The following CNTNAP2 variants were observed in gnomAD, a reference collection of about 807,000 sequenced individuals.
CNTNAP2 encodes contactin associated protein 2, also known as contactin-associated protein-like 2.
A neutral mutation model predicts 155.2 loss-of-function variants in CNTNAP2; 98 were observed. The observed-to-expected ratio is 0.63, with a 90% confidence interval of 0.54 to 0.75. The LOEUF (loss-of-function observed/expected upper bound fraction) is 0.75, where lower values mean the gene tolerates loss of function less well. Among genes scored for constraint, CNTNAP2 ranks in the 30% least tolerant of loss-of-function variants. CNTNAP2 has a pLI of 0.00. For synonymous variants in CNTNAP2, 651 were observed against 631.2 expected (o/e 1.03, Z -0.47); for missense variants, 1,727 against 1,688.1 (o/e 1.02, Z -0.40).
At chr7:146,484,488 G>T (rs1477724017) in intron 1 of CNTNAP2, among the ~76,000 whole-genome samples, 1 of 152,084 alleles carries the variant, frequency 6.6e-6, no homozygotes, top group Non-Finnish European at 1.5e-5. Flanking sequence ...ATATTCATCA[G>T]ATTTGCAGGA....
At chr7:148,131,860 A>T (rs1476741774) in intron 16 of CNTNAP2, among the ~76,000 whole-genome samples, 1 of 152,028 alleles carries the variant, frequency 6.6e-6, no homozygotes, top group Non-Finnish European at 1.5e-5. Context: ...AAAAAAAAAA[A>T]GTAGATACAA....
At chr7:147,048,157 C>T (rs1270612766) in intron 4 of CNTNAP2, among the ~76,000 whole-genome samples, 1 of 146,078 alleles carries the variant, frequency 6.8e-6, no homozygotes, top group African/African-American at 2.6e-5. Context: ...TCACTGCAAG[C>T]TCTGCCTCCC....
intron 3 of CNTNAP2, among the ~76,000 whole-genome samples, chr7:146,957,000 C>G (rs1797450213): frequency 6.6e-6 from 1 of 152,246 alleles, no homozygotes; most frequent in South Asian, 2.1e-4. Flanking sequence ...GATTTCTCAT[C>G]ATGTGAGCAT....
At chr7:146,428,846 A>G (rs1476803406) in intron 1 of CNTNAP2, among the ~76,000 whole-genome samples, 1 of 151,876 alleles carries the variant, frequency 6.6e-6, no homozygotes, top group Non-Finnish European at 1.5e-5. Flanking sequence ...CCTGAATGGT[A>G]TTGCCTAGAT....
At chr7:147,190,591 C>T (rs917933203) in intron 8 of CNTNAP2, among the ~76,000 whole-genome samples, 1 of 152,138 alleles carries the variant, frequency 6.6e-6, no homozygotes, top group Non-Finnish European at 1.5e-5. Context: ...ACATTAGCTT[C>T]GCAATGGTGT....
intron 1 of CNTNAP2, among the ~76,000 whole-genome samples, chr7:146,196,917 C>T (rs1798785325): frequency 6.6e-6 from 1 of 152,124 alleles, no homozygotes; most frequent in Non-Finnish European, 1.5e-5. Context: ...GACAGTTTAT[C>T]TTCAAGTTAG....
intron 13 of CNTNAP2, among the ~76,000 whole-genome samples, chr7:147,891,013 T>C (rs1799681385): frequency 6.6e-6 from 1 of 152,218 alleles, no homozygotes; most frequent in African/African-American, 2.4e-5. Flanking sequence ...TGCATACATA[T>C]TTCAAAACAT....
intron 3 of CNTNAP2, among the ~76,000 whole-genome samples, chr7:146,857,309 C>T (rs1301719450): frequency 1.3e-5 from 2 of 151,880 alleles, no homozygotes; most frequent in Admixed American, 6.6e-5. Context: ...GTTCCTTATA[C>T]TATTATTGCA....
At chr7:147,558,865 C>T (rs976095460) in intron 11 of CNTNAP2, among the ~76,000 whole-genome samples, 1 of 152,068 alleles carries the variant, frequency 6.6e-6, no homozygotes, top group Non-Finnish European at 1.5e-5. Flanking sequence ...GCCTTAGCCT[C>T]CTGAATAGCT....
At chr7:146,770,416 C>T (rs545059478) in intron 1 of CNTNAP2, among the ~76,000 whole-genome samples, 22 of 151,166 alleles carry the variant, frequency 1.5e-4, no homozygotes, top group Admixed American at 6.6e-4. Context: ...AATAAATAAT[C>T]GTGATTAATG....
chr7:148,369,272 C>T (rs1216749619), intron 21 of CNTNAP2, among the ~76,000 whole-genome samples: 1 of 129,824 alleles, frequency 7.7e-6, no homozygotes, highest in Non-Finnish European at 1.5e-5. Context: ...GATCTTGGCT[C>T]ACTGCAACCT....
rs182141621 is a variant in CNTNAP2, at chr7:146,159,490, A to T, written c.97+42517A>T. On this transcript the variant is annotated intron_variant, in intron 1 of 23. Coordinates refer to ENST00000361727, the MANE Select transcript of CNTNAP2 (RefSeq NM_014141.6). ...GACCCATCAGTGTGCTGTATTCAGG[A>T]GACCCACCTCACATGCAGAGACACA... Among the ~76,000 whole-genome samples the T allele has an allele frequency of 3.6e-3, 543 of 152,292 alleles. 4 individuals are homozygous for T. The highest frequency in any genetic ancestry group is 5.8e-3 in the Non-Finnish European group (396 of 68,030).
chr7:146,452,058 G>C (rs908510533), intron 1 of CNTNAP2, among the ~76,000 whole-genome samples: 5 of 151,400 alleles, frequency 3.3e-5, no homozygotes, highest in Admixed American at 6.6e-5. Flanking sequence ...ACAGGCACGT[G>C]CCACCATACT....
intron 16 of CNTNAP2, among the ~76,000 whole-genome samples, chr7:148,127,343 G>A (rs904064218): frequency 2.0e-5 from 3 of 152,076 alleles, no homozygotes; most frequent in Non-Finnish European, 4.4e-5. Flanking sequence ...GATTTTTGGA[G>A]GGAAATTTTG....
intron 1 of CNTNAP2, among the ~76,000 whole-genome samples, chr7:146,654,390 G>C (rs747236384): frequency 6.6e-6 from 1 of 152,070 alleles, no homozygotes; most frequent in African/African-American, 2.4e-5. Context: ...GTTGTGTGGT[G>C]TTGGTAGCAC....
chr7:146,855,402 T>C (rs1028082353), intron 3 of CNTNAP2, among the ~76,000 whole-genome samples: 2 of 152,192 alleles, frequency 1.3e-5, no homozygotes, highest in African/African-American at 4.8e-5. Context: ...TGCCATTGTA[T>C]TTGTAATTAC....
chr7:146,927,338 A>G (rs1265282817), intron 3 of CNTNAP2, among the ~76,000 whole-genome samples: 2 of 152,160 alleles, frequency 1.3e-5, no homozygotes, highest in African/African-American at 4.8e-5. Flanking sequence ...TTTGCTTACC[A>G]TCATGTGGCA....
At chr7:146,246,581 G>A (rs984618386) in intron 1 of CNTNAP2, among the ~76,000 whole-genome samples, 14 of 151,352 alleles carry the variant, frequency 9.2e-5, no homozygotes, top group Non-Finnish European at 1.9e-4. Flanking sequence ...CACTGTGAGA[G>A]TTACCCGAAG....
At chr7:146,177,556 A>T (rs374817913) in intron 1 of CNTNAP2, among the ~76,000 whole-genome samples, 37 of 152,318 alleles carry the variant, frequency 2.4e-4, no homozygotes, top group African/African-American at 8.7e-4. Flanking sequence ...CTGTTATACT[A>T]TTACTTTTAA....
Sources: gnomAD v4.1 joint callset for allele counts (sites outside exome capture counted in the v4.1 genomes callset) on GRCh38, gnomAD v4.1.1 for gene constraint, MANE v1.5 for transcripts, NCBI Gene and HGNC (gene_info 2026-07-23, HGNC 2026-07-21) for gene names.